Variants in OSBPL6 observed in about 807,000 individuals in gnomAD.
OSBPL6 encodes the protein oxysterol binding protein like 6.
A neutral mutation model predicts 125.8 loss-of-function variants in OSBPL6; 49 were observed. That is an observed-to-expected ratio of 0.39 (90% CI 0.31 to 0.49). The LOEUF (loss-of-function observed/expected upper bound fraction) is 0.49. OSBPL6 is among the 20% of genes least tolerant of loss of function. OSBPL6 has a pLI of 0.88. For synonymous variants in OSBPL6, 394 were observed against 391.8 expected (o/e 1.01, Z -0.07); for missense variants, 986 against 1,135.4 (o/e 0.87, Z 1.89).
chr2:178,272,316 G>T (rs1431636622), intron 1 of OSBPL6, among the ~76,000 whole-genome samples: 2 of 152,138 alleles, frequency 1.3e-5, no homozygotes, highest in Non-Finnish European at 2.9e-5. Context: ...GCACTTGGGG[G>T]TTCTGTTATG....
At chr2:178,310,486 C>T (rs1406209045) in intron 3 of OSBPL6, among the ~76,000 whole-genome samples, 4 of 137,052 alleles carry the variant, frequency 2.9e-5, no homozygotes, top group African/African-American at 5.5e-5. Context: ...GGCGCGATCT[C>T]GGCTCACTGC....
chr2:178,293,780 C>A (rs868534051), intron 2 of OSBPL6, among the ~76,000 whole-genome samples: 2 of 152,048 alleles, frequency 1.3e-5, no homozygotes, highest in Non-Finnish European at 2.9e-5. Context: ...CACCTCCCCC[C>A]ACCCTCCACT....
rs1411403921 is a variant in OSBPL6 at position 178,392,487 on chromosome 2, T to C, written c.2522T>C (p.Val841Ala). 5.0e-6 allele frequency: 8 copies of C among 1,614,082 alleles called. No homozygotes were observed. The highest frequency in any genetic ancestry group is 6.8e-6 in the Non-Finnish European group (8 of 1,179,996). Residue 841 changes from valine (V) to alanine (A), a missense_variant, in exon 23 of 25, where the codon GTA (valine) becomes GCA (alanine). Physicochemically the swap from Val to Ala is moderately conservative, Grantham distance 64 (BLOSUM62 0). This residue lies in a region of OSBPL6 where 843 missense variants were observed against 997.3 expected (regional missense o/e 0.85). Transcript: ENST00000190611. ...ATTGAGCTCAATGAGTTAGATCCAG[T>C]ACTAAAAGATCTCCTTCCACCAACA... ...FAIELNELDP[V>A]LKDLLPPTDA...
intron 20 of OSBPL6, among the ~76,000 whole-genome samples, 170 bp downstream of exon 20, chr2:178,387,309 G>A (rs1695030621): frequency 6.6e-6 from 1 of 152,156 alleles, no homozygotes; most frequent in Non-Finnish European, 1.5e-5. Flanking sequence ...GAGAACTTAA[G>A]CATATGTAGC....
upstream of OSBPL6, among the ~76,000 whole-genome samples, chr2:178,193,973 C>T (rs1200178860): frequency 4.6e-5 from 7 of 152,352 alleles, 1 homozygote; most frequent in East Asian, 7.7e-4. Context: ...CAGAAGGGCG[C>T]CCAGGGACAT....
intron 11 of OSBPL6, among the ~76,000 whole-genome samples, chr2:178,348,481 A>G (rs1421074832): frequency 2.6e-5 from 4 of 152,208 alleles, no homozygotes; most frequent in South Asian, 2.1e-4. Context: ...TCAGGAACCT[A>G]GTCCATATCC....
At chr2:178,240,160 G>A (rs1434180746) in intron 1 of OSBPL6, among the ~76,000 whole-genome samples, 1 of 152,080 alleles carries the variant, frequency 6.6e-6, no homozygotes, top group African/African-American at 2.4e-5. Context: ...AATTTTTAAC[G>A]GGTACATAGT....
intron 4 of OSBPL6, among the ~76,000 whole-genome samples, chr2:178,327,559 C>T (rs948174630): frequency 6.6e-6 from 1 of 152,144 alleles, no homozygotes; most frequent in Non-Finnish European, 1.5e-5. Flanking sequence ...AGGCATTAGA[C>T]TTTTTATAAG....
chr2:178,220,295 T>G (rs1220152842), intron 1 of OSBPL6, among the ~76,000 whole-genome samples: 1 of 152,046 alleles, frequency 6.6e-6, no homozygotes, highest in African/African-American at 2.4e-5. Context: ...CCTTCTTTTT[T>G]GGGGGGCTGG....
intron 1 of OSBPL6, among the ~76,000 whole-genome samples, chr2:178,239,216 A>G (rs1443702339): frequency 6.6e-6 from 1 of 152,196 alleles, no homozygotes; most frequent in Non-Finnish European, 1.5e-5. Context: ...TTTGATACAC[A>G]TGCAATAGAA....
chr2:178,235,839 A>G (rs906151177), intron 1 of OSBPL6, among the ~76,000 whole-genome samples: 25 of 152,214 alleles, frequency 1.6e-4, no homozygotes, highest in Admixed American at 2.6e-4. Flanking sequence ...ATTAGCATAA[A>G]GAACTATTCC....
At chr2:178,309,248 C>T (rs998334181) in intron 3 of OSBPL6, among the ~76,000 whole-genome samples, 3 of 152,064 alleles carry the variant, frequency 2.0e-5, no homozygotes, top group Non-Finnish European at 4.4e-5. Flanking sequence ...TTTGACGGTT[C>T]TATATTGCTT....
chr2:178,273,446 G>T (rs991015347), intron 1 of OSBPL6, among the ~76,000 whole-genome samples: 3 of 152,016 alleles, frequency 2.0e-5, no homozygotes, highest in Non-Finnish European at 2.9e-5. Context: ...CAGGCATGGT[G>T]GTGCATGCCT....
In OSBPL6 at chr2:178,394,422, C is replaced by A. The variant is rs1287998803; in HGVS notation, c.2683C>A (p.Pro895Thr). Residue 895 changes from proline (P) to threonine (T), a missense_variant, in exon 24 of 25, where the codon CCA (proline) becomes ACA (threonine). Pro to Thr is a conservative substitution (Grantham distance 38). Transcript: ENST00000190611. ...GGAAGAAAACAATCTTGAACATATA[C>A]CAAAATTTTTTAAGTAAGTCAGTTA... ...YMEENNLEHI[P>T]KFFKKVIDAN... 1.2e-6 allele frequency: 2 copies of A among 1,608,168 alleles called. No homozygotes were observed. Among genetic ancestry groups the A allele is most frequent in the Middle Eastern group, 1.7e-4 (1 of 6,042 alleles).
At chr2:178,337,084 G>A (rs1689752393) in intron 9 of OSBPL6, among the ~76,000 whole-genome samples, 2 of 152,018 alleles carry the variant, frequency 1.3e-5, no homozygotes, top group Admixed American at 6.6e-5. Flanking sequence ...TAATTAGCCA[G>A]AGCACAATGG....
rs747276055 is a variant in OSBPL6, at chr2:178,396,903, G to T, written c.*1344G>T. On this transcript the variant is annotated 3_prime_UTR_variant, in exon 25 of 25. Coordinates refer to ENST00000190611, the MANE Select transcript of OSBPL6 (RefSeq NM_032523.4). ...TGCATCAGTATTCCTGTTTCTGCACGTAGGTGACTATATAAATGCCTGTAT... is the reference window on the plus strand; with the variant it reads ...TGCATCAGTATTCCTGTTTCTGCACTTAGGTGACTATATAAATGCCTGTAT... The T allele has an allele frequency of 6.6e-6, 1 of 152,160 alleles. No individual in the cohort carries two copies. The highest frequency in any genetic ancestry group is 2.4e-5 in the African/African-American group (1 of 41,442). The allele number at this position is 152,160 out of a possible 1,614,324, so 9.4% of individuals were successfully genotyped here. A position where few individuals can be genotyped will look rare whatever the true frequency, so the allele number is the denominator to read the frequency against.
chr2:178,342,756 C>T (rs1029952841), intron 11 of OSBPL6, among the ~76,000 whole-genome samples: 4 of 152,202 alleles, frequency 2.6e-5, no homozygotes, highest in Middle Eastern at 3.4e-3. Context: ...TTTGAAAGAG[C>T]GGTTAGATCT....
chr2:178,281,312 C>T (rs569815187), intron 1 of OSBPL6, among the ~76,000 whole-genome samples: 5 of 152,210 alleles, frequency 3.3e-5, no homozygotes, highest in East Asian at 1.9e-4. Context: ...CGTGCCCGGC[C>T]GCTTTTGACG....
chr2:178,267,371 AAAAAC>A (rs1559180887), intron 1 of OSBPL6, among the ~76,000 whole-genome samples: 58 of 150,634 alleles, frequency 3.9e-4, no homozygotes, highest in African/African-American at 1.3e-3. Context: ...AAAAAAAAAA[AAAAAC>A]AAAACAAGGT....
Sources: gnomAD v4.1 joint callset for allele counts (sites outside exome capture counted in the v4.1 genomes callset) on GRCh38, gnomAD v4.1.1 for gene constraint, gnomAD v4.1.1 regional missense constraint, MANE v1.5 for transcripts, NCBI Gene and HGNC (gene_info 2026-07-23, HGNC 2026-07-21) for gene names.